P2RX3: variants seen among roughly 807,000 people sequenced by gnomAD.
P2RX3 encodes the protein purinergic receptor P2X 3, also known as P2X purinoceptor 3.
A neutral mutation model predicts 51.5 loss-of-function variants in P2RX3; 41 were observed. That is an observed-to-expected ratio of 0.80 (90% confidence interval 0.62 to 1.03). The LOEUF (loss-of-function observed/expected upper bound fraction) is 1.03, where lower values mean the gene tolerates loss of function less well. Ranked by LOEUF, P2RX3 falls within the 50% of genes least tolerant of loss-of-function variation. The probability of loss-of-function intolerance (pLI) is 0.00; values close to 1 mark genes in which losing one functional copy is unlikely to be tolerated. For missense variants in P2RX3, 459 were observed against 522.1 expected (o/e 0.88, Z 1.18); for synonymous variants, 185 against 191.6 (o/e 0.97, Z 0.29).
At position 57,346,690 on chromosome 11, in the gene P2RX3, C is replaced by T; in HGVS notation, c.255+11C>T. 1 of 1,612,970 alleles carries T rather than the reference C, an allele frequency of 6.2e-7. No homozygotes were observed. Among genetic ancestry groups the T allele is most frequent in the Non-Finnish European group, 8.5e-7 (1 of 1,179,728 alleles). On this transcript the variant is annotated intron_variant, in intron 2 of 11. Coordinates refer to ENST00000263314, the MANE Select transcript of P2RX3 (RefSeq NM_002559.5). ...GTGACGCCACCTCAGGTATGGTACC[C>T]CTACCCAGAGAGGCATGTGGATGTC...
In P2RX3 at chr11:57,370,785, T is replaced by A. The variant is rs1379442278; in HGVS notation, c.*788T>A. 6.6e-6 allele frequency among the ~76,000 whole-genome samples: 1 copy of A among 152,192 alleles called. No homozygotes were observed. The highest frequency in any genetic ancestry group is 1.5e-5 in the Non-Finnish European group (1 of 68,032). ...ACCAGGGAAGGGGTCATTCTTGTTC[T>A]TCTCTGGGACCCCACACCCACACAC... is the stretch of plus-strand genomic sequence containing the variant. On this transcript the variant is annotated 3_prime_UTR_variant, in exon 12 of 12. Transcript: ENST00000263314.
rs568236673 is a variant in P2RX3 at position 57,348,189 on chromosome 11, C to T, written c.411C>T (p.Cys137=). The change falls in exon 5 of 12, where the codon TGC becomes TGT. Residue 137 remains cysteine (C), a synonymous_variant. Transcript: ENST00000263314. The part of the protein sequence containing the change: ...LPGGGILTGR[C]VNYSSVLRTC... ...CTTTAGGGATCCTCACTGGCCGCTG[C>T]GTGAACTACAGCTCTGTGCTCCGGA... 8 of 1,593,916 alleles carry T rather than the reference C, an allele frequency of 5.0e-6. No homozygotes were observed. Among genetic ancestry groups the T allele is most frequent in the African/African-American group, 1.3e-5 (1 of 74,722 alleles).
rs1324998571 is a variant in P2RX3 at position 57,368,104 on chromosome 11, T to G, written c.936+2T>G. Reference sequence around the variant, plus strand: ...TTCGACGTGCTGGTATACGGGAATGTGAGTCCATGGGCCAGGCAGATGGGG... The same window carrying G: ...TTCGACGTGCTGGTATACGGGAATGGGAGTCCATGGGCCAGGCAGATGGGG... On this transcript the variant is annotated splice_donor_variant, in intron 9 of 11. Transcript: ENST00000263314. LOFTEE classifies it high-confidence loss of function. 3 of 1,613,892 alleles carry G rather than the reference T, an allele frequency of 1.9e-6. No individual in the cohort carries two copies. Among genetic ancestry groups the G allele is most frequent in the Non-Finnish European group, 2.5e-6 (3 of 1,179,808 alleles).
In P2RX3 at chr11:57,343,982, G is replaced by A. The variant is rs568561900; in HGVS notation, c.120-2562G>A. 5.9e-5 allele frequency among the ~76,000 whole-genome samples: 9 copies of A among 152,254 alleles called. No individual in the cohort carries two copies. In the South Asian group the frequency reaches 1.7e-3, roughly 28 times the overall value. The stretch of plus-strand genomic sequence containing the variant: ...GTAATTTGGCAGATGGGATTTCTAC[G>A]TGAGGCATACTTCCTTGTGAAATCT... On this transcript the variant is annotated intron_variant, in intron 1 of 11. Coordinates refer to ENST00000263314, the MANE Select transcript of P2RX3 (RefSeq NM_002559.5).
rs1243303508 is a variant in P2RX3, at chr11:57,370,015, C to T, written c.*18C>T. On this transcript the variant is annotated 3_prime_UTR_variant, in exon 12 of 12. Transcript: ENST00000263314. ...GCCACTAGGGCCTCTTTCCAGGGCCCCACACTCACAAAGGCTCCAGGCCTC... is the reference window on the plus strand; with the variant it reads ...GCCACTAGGGCCTCTTTCCAGGGCCTCACACTCACAAAGGCTCCAGGCCTC... 6.4e-7 allele frequency: 1 copy of T among 1,571,896 alleles called. No individual in the cohort carries two copies. Among genetic ancestry groups the T allele is most frequent in the Non-Finnish European group, 8.7e-7 (1 of 1,143,264 alleles).
At position 57,368,038 on chromosome 11, in the gene P2RX3, GC is replaced by G; in HGVS notation, c.873del (p.Ser292ValfsTer7). On this transcript the variant is annotated frameshift_variant, in exon 9 of 12. Transcript: ENST00000263314. LOFTEE classifies it high-confidence loss of function. ...GCCAAGTACTACAAAATGGAAAATG[GC>G]AGTGAGTACCGCACCCTCCTGAAGG... ...RFAKYYKMENGSEYRTLLKAF... is the reference protein window; with the variant it reads ...RFAKYYKMENXSEYRTLLKAF... The G allele has an allele frequency of 1.2e-6, 2 of 1,614,146 alleles. No homozygotes were observed. The highest frequency in any genetic ancestry group is 1.7e-6 in the Non-Finnish European group (2 of 1,180,022).
At chr11:57,356,517 T>C (rs1565068993) in intron 8 of P2RX3, among the ~76,000 whole-genome samples, 1 of 152,232 alleles carries the variant, frequency 6.6e-6, no homozygotes. Flanking sequence ...GGTAGGTGTT[T>C]CTAGTGATCG....
chr11:57,349,733 A>G lies in P2RX3; in HGVS notation c.564-24A>G, dbSNP rs754709728. On this transcript the variant is annotated intron_variant, in intron 6 of 11. Coordinates refer to ENST00000263314, the MANE Select transcript of P2RX3 (RefSeq NM_002559.5). ...CGATCTTCCCATGAACCCTGGGCTG[A>G]CCTCTCTCTCTGCTCCTCCCCAGGG... is the stretch of plus-strand genomic sequence containing the variant. 3 of 1,613,610 alleles carry G rather than the reference A, an allele frequency of 1.9e-6. No homozygotes were observed. In the African/African-American group the frequency reaches 4.0e-5, roughly 22 times the overall value.
intron 1 of P2RX3, among the ~76,000 whole-genome samples, chr11:57,342,768 A>T (rs1349129695): frequency 2.0e-5 from 3 of 146,390 alleles, no homozygotes; most frequent in Admixed American, 6.8e-5. Flanking sequence ...CCCCCCCATC[A>T]CCCCTCCCCC....
intron 8 of P2RX3, among the ~76,000 whole-genome samples, chr11:57,356,083 A>G (rs1590633540): frequency 6.6e-6 from 1 of 152,192 alleles, no homozygotes; most frequent in Non-Finnish European, 1.5e-5. Flanking sequence ...CCCTAGAGTT[A>G]AGTTTGCAAA....
chr11:57,358,596 C>T lies in P2RX3; in HGVS notation c.842+7698C>T, dbSNP rs142264763. Among the ~76,000 whole-genome samples, 134 of 152,226 alleles carry T rather than the reference C, an allele frequency of 8.8e-4. 3 individuals are homozygous for T. The highest frequency in any genetic ancestry group is 3.2e-3 in the African/African-American group (132 of 41,526). On this transcript the variant is annotated intron_variant, in intron 8 of 11. Coordinates refer to ENST00000263314, the MANE Select transcript of P2RX3 (RefSeq NM_002559.5). ...AGCACGTCTCATTGCCTCTGTGGGC[C>T]TCAGTTTCCTCCTCTGTAAAATGGG...
chr11:57,345,884 A>G lies in P2RX3; in HGVS notation c.120-660A>G, dbSNP rs1454388815. On this transcript the variant is annotated intron_variant, in intron 1 of 11. Transcript: ENST00000263314. ...CCCTCCCTCCTCCCCCAGCCCCCCC[A>G]CCTTCAACCGAGCTCCTTTACCTGC... Among the ~76,000 whole-genome samples the G allele has an allele frequency of 1.0e-4, 3 of 29,434 alleles. No homozygotes were observed. The South Asian group carries it at 3.9e-3, about 38-fold the overall frequency. 19.3% of individuals were successfully genotyped at this position (29,434 alleles called of 152,430 possible).
chr11:57,352,776 T>G (rs554894780), intron 8 of P2RX3, among the ~76,000 whole-genome samples: 1 of 152,254 alleles, frequency 6.6e-6, no homozygotes, highest in East Asian at 1.9e-4. Context: ...TTGGAGGGTA[T>G]TTGGGGAGGC....
Position 57,368,205 on chromosome 11 carries a change from C to G in P2RX3, c.936+103C>G, listed in dbSNP as rs1003199090. On this transcript the variant is annotated intron_variant, in intron 9 of 11. Coordinates refer to ENST00000263314, the MANE Select transcript of P2RX3 (RefSeq NM_002559.5). ...CTGGGGGGCAGGGGTCTGCTGCTGGCCAGCTTTGACACCCTCAGTGGGTCA... is the reference window on the plus strand; with the variant it reads ...CTGGGGGGCAGGGGTCTGCTGCTGGGCAGCTTTGACACCCTCAGTGGGTCA... 5 of 1,346,676 alleles carry G rather than the reference C, an allele frequency of 3.7e-6. No homozygotes were observed. The African/African-American group carries it at 7.2e-5, about 19-fold the overall frequency. The allele number at this position is 1,346,676 out of a possible 1,614,324, so 83.4% of individuals were successfully genotyped here.
chr11:57,352,984 G>C (rs967606688), intron 8 of P2RX3, among the ~76,000 whole-genome samples: 7 of 152,162 alleles, frequency 4.6e-5, no homozygotes, highest in Admixed American at 4.6e-4. Context: ...GACATTGGGG[G>C]ACATCTGATA....
At chr11:57,350,962 T>C (rs77968913) in intron 8 of P2RX3, 64 bp downstream of exon 8, 38,986 of 1,606,686 alleles carry the variant, frequency 0.024, 575 homozygotes, top group South Asian at 0.036. Flanking sequence ...CAATGTTTAT[T>C]GGGGAGACAA....
Position 57,338,647 on chromosome 11 carries a change from C to T in P2RX3, c.97C>T (p.Leu33=). ...IGIINRVVQL[L]IISYFVGWVF... ...GATCATCAACCGAGTAGTTCAGCTT[C>T]TGATCATCTCCTACTTTGTAGGGTG... Residue 33 remains leucine (L), a synonymous_variant, in exon 1 of 12, where the codon CTG becomes TTG. Coordinates refer to ENST00000263314, the MANE Select transcript of P2RX3 (RefSeq NM_002559.5). The T allele has an allele frequency of 1.3e-6, 2 of 1,588,702 alleles. No individual in the cohort carries two copies. The highest frequency in any genetic ancestry group is 1.7e-6 in the Non-Finnish European group (2 of 1,159,120).
chr11:57,341,455 G>T (rs530523510), intron 1 of P2RX3, among the ~76,000 whole-genome samples: 2 of 152,208 alleles, frequency 1.3e-5, no homozygotes, highest in East Asian at 3.9e-4. Context: ...CCTGGCCTCA[G>T]CTGCTTGTCT....
intron 4 of P2RX3, 37 bp from the exon 5 acceptor site, chr11:57,348,133 G>T: frequency 6.5e-7 from 1 of 1,527,982 alleles, no homozygotes; most frequent in Admixed American, 2.0e-5. Flanking sequence ...GGAGCAAAGG[G>T]CAGGCAGCCA....
Sources: gnomAD v4.1 joint callset for allele counts (sites outside exome capture counted in the v4.1 genomes callset) on GRCh38, gnomAD v4.1.1 for gene constraint, MANE v1.5 for transcripts, NCBI Gene and HGNC (gene_info 2026-07-23, HGNC 2026-07-21) for gene names.